The following MCTP1 variants were observed in gnomAD, a reference collection of about 807,000 sequenced individuals.
The protein encoded by MCTP1 is multiple C2 and transmembrane domain-containing protein 1.
MCTP1 carries 69 observed loss-of-function variants against 120.6 expected under a neutral mutation model. The observed-to-expected ratio is 0.57, with a 90% CI of 0.47 to 0.70. MCTP1 has a LOEUF of 0.70. Among genes scored for constraint, MCTP1 ranks in the 30% least tolerant of loss-of-function variants. The probability of loss-of-function intolerance (pLI) is 0.00; values close to 1 mark genes in which losing one functional copy is unlikely to be tolerated. For synonymous variants in MCTP1, 529 were observed against 493.1 expected (o/e 1.07, Z -0.96); for missense variants, 1,203 against 1,248.8 (o/e 0.96, Z 0.55).
At chr5:94,845,405 C>A (rs1479800669) in intron 17 of MCTP1, among the ~76,000 whole-genome samples, 1 of 152,164 alleles carries the variant, frequency 6.6e-6, no homozygotes, top group African/African-American at 2.4e-5. Context: ...CCCCATGATT[C>A]AATTACTTCC....
At chr5:95,066,281 G>A (rs1213799871) in intron 1 of MCTP1, among the ~76,000 whole-genome samples, 1 of 152,094 alleles carries the variant, frequency 6.6e-6, no homozygotes, top group Non-Finnish European at 1.5e-5. Flanking sequence ...AAGGGAATGT[G>A]AATCAAAATT....
At chr5:95,096,275 T>C (rs758832464) in intron 1 of MCTP1, among the ~76,000 whole-genome samples, 2 of 152,194 alleles carry the variant, frequency 1.3e-5, no homozygotes, top group Non-Finnish European at 2.9e-5. Context: ...AATGACCCCA[T>C]TATATTTGGT....
intron 1 of MCTP1, among the ~76,000 whole-genome samples, chr5:95,031,977 A>G (rs1290342967): frequency 6.6e-6 from 1 of 152,184 alleles, no homozygotes; most frequent in Non-Finnish European, 1.5e-5. Context: ...TAAATCAACA[A>G]CAGTAAAAAG....
In MCTP1 at chr5:95,284,506, G is replaced by A. The variant is rs1202994503; in HGVS notation, c.70C>T (p.Leu24Phe). The A allele has an allele frequency of 2.0e-6, 3 of 1,509,048 alleles. No individual in the cohort carries two copies. Among genetic ancestry groups the A allele is most frequent in the South Asian group, 1.2e-5 (1 of 80,990 alleles). 93.5% of individuals were successfully genotyped at this position (1,509,048 alleles called of 1,614,324 possible). The change falls in exon 1 of 23, where the codon CTC becomes TTC. Residue 24 changes from leucine to phenylalanine, a missense_variant. Physicochemically the swap from Leu to Phe is conservative, Grantham distance 22. Around this residue, in one of 2 missense-constraint regions of MCTP1, gnomAD observed 463 missense variants for 377.8 expected, o/e 1.23. Coordinates refer to ENST00000515393, the MANE Select transcript of MCTP1 (RefSeq NM_024717.7). The surrounding 1 kb of genome is among the most constrained non-coding windows in gnomAD (Gnocchi z 5.2). ...PAASSSFQAR[L>F]WKNLQLGVGR... Reference sequence around the variant, plus strand: ...ACCCCCAGCTGCAGGTTCTTCCAGAGCCGGGCCTGGAAGGAGGAGGACGCC... The same window carrying A: ...ACCCCCAGCTGCAGGTTCTTCCAGAACCGGGCCTGGAAGGAGGAGGACGCC...
chr5:94,867,366 A>G, intron 17 of MCTP1: 6 of 1,531,168 alleles, frequency 3.9e-6, no homozygotes, highest in Non-Finnish European at 5.2e-6. Flanking sequence ...GACATTAATG[A>G]AAGTCCCATA....
chr5:94,924,042 A>G, intron 6 of MCTP1, 21 bp from the exon 7 acceptor site: 2 of 1,368,436 alleles, frequency 1.5e-6, no homozygotes, highest in Non-Finnish European at 2.0e-6. Context: ...ACAAATATTT[A>G]GCTACATTTT....
chr5:95,042,137 T>C (rs1030970437), intron 1 of MCTP1, among the ~76,000 whole-genome samples: 6 of 152,188 alleles, frequency 3.9e-5, no homozygotes, highest in African/African-American at 7.2e-5. Context: ...TCCCCAGTTA[T>C]GTATAATTGG....
intron 17 of MCTP1, among the ~76,000 whole-genome samples, chr5:94,864,533 C>T (rs535975365): frequency 6.6e-6 from 1 of 151,858 alleles, no homozygotes; most frequent in Non-Finnish European, 1.5e-5. Flanking sequence ...GTTAACTGAT[C>T]AATACTTTGT....
chr5:95,243,207 A>T (rs769175663), intron 1 of MCTP1, among the ~76,000 whole-genome samples: 5 of 152,174 alleles, frequency 3.3e-5, no homozygotes, highest in Non-Finnish European at 7.3e-5. Context: ...AAAAGATGAG[A>T]CTGATTTAAA....
chr5:95,240,062 A>C (rs543659021), intron 1 of MCTP1, among the ~76,000 whole-genome samples: 7 of 152,204 alleles, frequency 4.6e-5, no homozygotes, highest in African/African-American at 1.4e-4. Flanking sequence ...TTAAACTTTT[A>C]TAATATATAT....
At chr5:95,151,166 T>C (rs1184808348) in intron 1 of MCTP1, among the ~76,000 whole-genome samples, 1 of 139,774 alleles carries the variant, frequency 7.2e-6, no homozygotes, top group Non-Finnish European at 1.6e-5. Flanking sequence ...GTATTTTTAG[T>C]AGAGATGAGG....
intron 18 of MCTP1, among the ~76,000 whole-genome samples, chr5:94,791,592 GAT>G (rs901873461): frequency 4.6e-5 from 7 of 152,264 alleles, no homozygotes. Flanking sequence ...GATATTTCCA[GAT>G]ATGTTGCAGA....
chr5:94,966,801 A>G (rs1050306618), intron 2 of MCTP1, among the ~76,000 whole-genome samples: 1 of 151,954 alleles, frequency 6.6e-6, no homozygotes, highest in Non-Finnish European at 1.5e-5. Flanking sequence ...TCTCGAAAAA[A>G]AAAAAACAAC....
At chr5:94,748,996 G>T (rs960603992) in intron 19 of MCTP1, among the ~76,000 whole-genome samples, 3 of 152,072 alleles carry the variant, frequency 2.0e-5, no homozygotes, top group African/African-American at 7.2e-5. Flanking sequence ...TTTGTTTTTT[G>T]ATGCTTCTGC....
intron 1 of MCTP1, among the ~76,000 whole-genome samples, chr5:95,095,232 C>A (rs2152350681): frequency 6.6e-6 from 1 of 151,544 alleles, no homozygotes; most frequent in Middle Eastern, 3.4e-3. Context: ...ACCATGTTAG[C>A]CAGGATGGTC....
At chr5:94,765,596 G>A (rs1168877987) in intron 19 of MCTP1, among the ~76,000 whole-genome samples, 1 of 151,490 alleles carries the variant, frequency 6.6e-6, no homozygotes, top group Non-Finnish European at 1.5e-5. Context: ...AGCTACTCAG[G>A]AAGCTGAAGC....
intron 7 of MCTP1, among the ~76,000 whole-genome samples, 154 bp downstream of exon 7, chr5:94,923,808 C>A (rs1328327165): frequency 6.6e-6 from 1 of 152,066 alleles, no homozygotes; most frequent in Non-Finnish European, 1.5e-5. Flanking sequence ...AAGTGAGTTA[C>A]CTAGATGACT....
chr5:95,174,487 A>G (rs757689538), intron 1 of MCTP1, among the ~76,000 whole-genome samples: 3 of 152,224 alleles, frequency 2.0e-5, no homozygotes, highest in Non-Finnish European at 4.4e-5. Context: ...AAAAGAAATT[A>G]TTTCTTAGCC....
intron 1 of MCTP1, among the ~76,000 whole-genome samples, chr5:95,163,162 A>G (rs1302892687): frequency 6.6e-6 from 1 of 152,130 alleles, no homozygotes; most frequent in Non-Finnish European, 1.5e-5. Flanking sequence ...TTAGGAGTTA[A>G]AGATTTAGTA....
Sources: gnomAD v4.1 joint callset for allele counts (sites outside exome capture counted in the v4.1 genomes callset) on GRCh38, gnomAD v4.1.1 for gene constraint, gnomAD v4.1.1 regional missense constraint, Gnocchi (gnomAD v3.1) non-coding constraint, MANE v1.5 for transcripts, NCBI Gene and HGNC (gene_info 2026-07-23, HGNC 2026-07-21) for gene names.